BIRC6: variants seen among roughly 807,000 people sequenced by gnomAD.
BIRC6 encodes the protein dual E2 ubiquitin-conjugating enzyme/E3 ubiquitin-protein ligase BIRC6.
Under a neutral mutation model 503.3 loss-of-function variants are expected in BIRC6, and 98 were observed. The ratio of observed to expected loss-of-function variants is 0.19; its 90% CI spans 0.17 to 0.23. The LOEUF (loss-of-function observed/expected upper bound fraction) is 0.23, where lower values mean the gene tolerates loss of function less well. BIRC6 is among the 10% of genes least tolerant of loss of function. BIRC6 has a pLI of 1.00. For missense variants in BIRC6, 5,360 were observed against 5,806.0 expected (o/e 0.92, Z 2.50); for synonymous variants, 2,240 against 2,078.7 (o/e 1.08, Z -2.11).
At chr2:32,452,113 A>G (rs2046793186) in intron 22 of BIRC6, among the ~76,000 whole-genome samples, 1 of 152,198 alleles carries the variant, frequency 6.6e-6, no homozygotes, top group South Asian at 2.1e-4. Flanking sequence ...TGAATATGCA[A>G]GCATTTTAAA....
At chr2:32,472,920 A>G (rs2049268641) in intron 32 of BIRC6, 192 bp from the exon 33 acceptor site, 4 of 496,914 alleles carry the variant, frequency 8.0e-6, no homozygotes, top group East Asian at 3.8e-5. Context: ...TAGGGTCTAC[A>G]TTAGATAATT....
At chr2:32,496,847 T>C (rs1004222722) in intron 45 of BIRC6, among the ~76,000 whole-genome samples, 8 of 152,208 alleles carry the variant, frequency 5.3e-5, no homozygotes, top group African/African-American at 1.9e-4. Context: ...TCCTTTCTTA[T>C]GCATATGTCT....
intron 23 of BIRC6, 36 bp from the exon 24 acceptor site, chr2:32,463,158 T>G: frequency 6.5e-7 from 1 of 1,534,850 alleles, no homozygotes; most frequent in Non-Finnish European, 8.8e-7. Context: ...ATCCTGGTGT[T>G]TTTTGTTTTT....
chr2:32,366,703 C>G (rs1468849864), intron 1 of BIRC6, among the ~76,000 whole-genome samples: 2 of 152,044 alleles, frequency 1.3e-5, no homozygotes, highest in Admixed American at 6.6e-5. Context: ...GAGATACCAA[C>G]TTTAAAATGG....
At chr2:32,505,764 T>C (rs2053725121) in intron 50 of BIRC6, among the ~76,000 whole-genome samples, 1 of 152,266 alleles carries the variant, frequency 6.6e-6, no homozygotes, top group Non-Finnish European at 1.5e-5. Flanking sequence ...TTGAACTTTG[T>C]AAGGCAAATA....
intron 65 of BIRC6, among the ~76,000 whole-genome samples, chr2:32,552,021 T>C (rs1219753854): frequency 1.3e-5 from 2 of 152,212 alleles, no homozygotes; most frequent in East Asian, 1.9e-4. Flanking sequence ...CTGAGAACTT[T>C]AGTAAAATAA....
chr2:32,464,525 C>G lies in BIRC6; in HGVS notation c.4958C>G (p.Ala1653Gly). 2.5e-6 allele frequency: 4 copies of G among 1,574,958 alleles called. No homozygotes were observed. Among genetic ancestry groups the G allele is most frequent in the Non-Finnish European group, 3.5e-6 (4 of 1,159,264 alleles). ...CTTTTGCAGAAAGCAAAGCTGGAAGCCAAGTTACATCAGACAACAGCTGCA... is the reference window on the plus strand; with the variant it reads ...CTTTTGCAGAAAGCAAAGCTGGAAGGCAAGTTACATCAGACAACAGCTGCA... ...KLQQQKAKLE[A>G]KLHQTTAAAA... Residue 1653 changes from alanine (A) to glycine (G), a missense_variant, in exon 25 of 74, where the codon GCC becomes GGC. By Grantham distance (60) the Ala-to-Gly change is moderately conservative. Around this residue, in one of 16 missense-constraint regions of BIRC6, gnomAD observed 2,299 missense variants for 2,267.2 expected, o/e 1.01. Coordinates refer to ENST00000421745, the MANE Select transcript of BIRC6 (RefSeq NM_016252.4).
rs1223234847 is a variant in BIRC6 at position 32,371,324 on chromosome 2, C to A, written c.326-6264C>A. ...AAGTAAGTACGTATAATTTCATTACCTAGAGATGGGCATTGTTAACATTTT... is the reference window on the plus strand; with the variant it reads ...AAGTAAGTACGTATAATTTCATTACATAGAGATGGGCATTGTTAACATTTT... On this transcript the variant is annotated intron_variant, in intron 1 of 73. Transcript: ENST00000421745. Among the ~76,000 whole-genome samples, 3 of 151,332 alleles carry A rather than the reference C, an allele frequency of 2.0e-5. No individual in the cohort carries two copies. The East Asian group carries it at 5.8e-4, about 29-fold the overall frequency.
chr2:32,377,814 C>A, intron 2 of BIRC6, 45 bp downstream of exon 2: 1 of 1,465,356 alleles, frequency 6.8e-7, no homozygotes, highest in Admixed American at 2.2e-5. Flanking sequence ...TTAATGTAAT[C>A]TTAGACATAT....
In BIRC6 at chr2:32,397,604, G is replaced by GTGTGTGTA. The variant is rs1412130234; in HGVS notation, c.1034+2012_1034+2013insGTGTGTAT. Among the ~76,000 whole-genome samples the GTGTGTGTA allele has an allele frequency of 4.5e-4, 50 of 112,030 alleles. 2 individuals are homozygous for GTGTGTGTA. Among genetic ancestry groups the GTGTGTGTA allele is most frequent in the Admixed American group, 3.5e-3 (41 of 11,600 alleles). 73.5% of individuals were successfully genotyped at this position (112,030 alleles called of 152,430 possible). ...TGTGTGTGTGTGTGTGTGTGTGTGT[G>GTGTGTGTA]TATATATGTGTGTATATATATATAT... On this transcript the variant is annotated intron_variant, in intron 6 of 73. Coordinates refer to ENST00000421745, the MANE Select transcript of BIRC6 (RefSeq NM_016252.4).
At chr2:32,567,668 G>T (rs1032029684) in intron 65 of BIRC6, among the ~76,000 whole-genome samples, 1 of 152,206 alleles carries the variant, frequency 6.6e-6, no homozygotes, top group African/African-American at 2.4e-5. Context: ...AGCTGCTTGT[G>T]CAACTTAGTA....
At chr2:32,380,386 A>C in intron 3 of BIRC6, 96 bp downstream of exon 3, 3 of 1,395,758 alleles carry the variant, frequency 2.1e-6, no homozygotes, top group Non-Finnish European at 2.8e-6. Flanking sequence ...GAAATGTTCT[A>C]ATTCTAGATT....
chr2:32,543,108 G>GT, intron 61 of BIRC6, 133 bp from the exon 62 acceptor site: 7 of 1,093,138 alleles, frequency 6.4e-6, no homozygotes, highest in Non-Finnish European at 7.6e-6. Flanking sequence ...CTGGAAGCTT[G>GT]TTTTTTAAAG....
In BIRC6 at chr2:32,430,944, G is replaced by C; in HGVS notation, c.3102G>C (p.Leu1034Phe). Residue 1034 changes from leucine (L) to phenylalanine (F), a missense_variant, in exon 12 of 74, where the codon TTG becomes TTC. By Grantham distance (22) the Leu-to-Phe change is conservative (BLOSUM62 0). This residue lies in a region of BIRC6 where 700 missense variants were observed against 739.3 expected (regional missense o/e 0.95). Coordinates refer to ENST00000421745, the MANE Select transcript of BIRC6 (RefSeq NM_016252.4). ...TGGAGCTAACCCGCTTTGAGACTTTGACTCCAAGGTTTTCAGCGACTGTTC... is the reference window on the plus strand; with the variant it reads ...TGGAGCTAACCCGCTTTGAGACTTTCACTCCAAGGTTTTCAGCGACTGTTC... ...SLVELTRFETLTPRFSATVPP... is the reference protein window; with the variant it reads ...SLVELTRFETFTPRFSATVPP... 1 of 1,611,514 alleles carries C rather than the reference G, an allele frequency of 6.2e-7. No homozygotes were observed. Among genetic ancestry groups the C allele is most frequent in the Non-Finnish European group, 8.5e-7 (1 of 1,179,398 alleles).
At chr2:32,426,736 T>C (rs2043543730) in intron 10 of BIRC6, among the ~76,000 whole-genome samples, 1 of 152,262 alleles carries the variant, frequency 6.6e-6, no homozygotes, top group Non-Finnish European at 1.5e-5. Context: ...ATTTCTGTTC[T>C]TTATTTTTTC....
At chr2:32,389,537 A>G (rs1016349421) in intron 4 of BIRC6, among the ~76,000 whole-genome samples, 5 of 152,196 alleles carry the variant, frequency 3.3e-5, no homozygotes, top group Non-Finnish European at 5.9e-5. Flanking sequence ...TGTTTAATTA[A>G]TTAAAAAACC....
At chr2:32,457,412 C>G (rs2047374733) in intron 23 of BIRC6, among the ~76,000 whole-genome samples, 1 of 151,938 alleles carries the variant, frequency 6.6e-6, no homozygotes, top group African/African-American at 2.4e-5. Context: ...CTTTTTCCTC[C>G]TTTTCTGTTT....
At chr2:32,436,406 A>G (rs753908912) in intron 15 of BIRC6, among the ~76,000 whole-genome samples, 14 of 152,108 alleles carry the variant, frequency 9.2e-5, no homozygotes, top group Admixed American at 3.3e-4. Context: ...GTGCTTTTTG[A>G]AAAAACGTTG....
At chr2:32,485,934 A>G (rs1225591153) in intron 40 of BIRC6, among the ~76,000 whole-genome samples, 175 bp downstream of exon 40, 1 of 152,218 alleles carries the variant, frequency 6.6e-6, no homozygotes, top group East Asian at 1.9e-4. Flanking sequence ...AAGACAAAGG[A>G]TTAACAAATG....
Sources: allele counts gnomAD v4.1 joint callset (sites outside exome capture counted in the v4.1 genomes callset), GRCh38; gene constraint gnomAD v4.1.1; regional missense constraint gnomAD v4.1.1; transcripts MANE v1.5; gene names NCBI Gene and HGNC (gene_info 2026-07-23, HGNC 2026-07-21).